PHLPP2: variants seen among roughly 807,000 people sequenced by gnomAD.
PHLPP2 encodes PH domain leucine-rich repeat-containing protein phosphatase 2.
PHLPP2 carries 66 observed loss-of-function variants against 124.9 expected under a neutral mutation model. That is an observed-to-expected ratio of 0.53 (90% confidence interval 0.43 to 0.65). PHLPP2 has a LOEUF of 0.65. Among genes scored for constraint, PHLPP2 ranks in the 30% least tolerant of loss-of-function variants. The pLI, the probability that PHLPP2 is intolerant of heterozygous loss-of-function variation, is 0.00. For synonymous variants in PHLPP2, 681 were observed against 624.7 expected (o/e 1.09, Z -1.34); for missense variants, 1,685 against 1,600.4 (o/e 1.05, Z -0.90).
At chr16:71,713,405 G>T (rs1053589486) in intron 2 of PHLPP2, among the ~76,000 whole-genome samples, 2 of 152,094 alleles carry the variant, frequency 1.3e-5, no homozygotes, top group African/African-American at 4.8e-5. Flanking sequence ...CTATGAAGAA[G>T]AATTTGACAG....
At chr16:71,709,271 C>T (rs1364739187) in intron 2 of PHLPP2, among the ~76,000 whole-genome samples, 1 of 151,830 alleles carries the variant, frequency 6.6e-6, no homozygotes, top group African/African-American at 2.4e-5. Flanking sequence ...CAAAATATGG[C>T]AAACAAAATT....
chr16:71,668,416 A>AG (rs2044859370), intron 11 of PHLPP2, among the ~76,000 whole-genome samples: 1 of 40,214 alleles, frequency 2.5e-5, no homozygotes, highest in South Asian at 6.1e-4. Flanking sequence ...ACTCTGTCTC[A>AG]AAAAAAAAAA....
intron 1 of PHLPP2, chr16:71,723,105 C>G (rs1174684615): frequency 6.6e-6 from 1 of 152,322 alleles, no homozygotes; most frequent in Non-Finnish European, 1.5e-5. Flanking sequence ...CAGGAATGCC[C>G]CTTTCGGCCC....
chr16:71,684,964 A>C (rs1234047410), intron 4 of PHLPP2, among the ~76,000 whole-genome samples: 1 of 152,188 alleles, frequency 6.6e-6, no homozygotes, highest in Non-Finnish European at 1.5e-5. Flanking sequence ...AGGCTTGAGA[A>C]AAGAGGCAAA....
At chr16:71,666,677 CCTT>C (rs1471683399) in intron 12 of PHLPP2, among the ~76,000 whole-genome samples, 1 of 152,180 alleles carries the variant, frequency 6.6e-6, no homozygotes, top group Non-Finnish European at 1.5e-5. Context: ...GCAAATGACA[CCTT>C]CTGGAAGGAC....
intron 1 of PHLPP2, among the ~76,000 whole-genome samples, chr16:71,716,157 GAAT>G (rs766087851): frequency 1.3e-5 from 2 of 152,088 alleles, no homozygotes; most frequent in South Asian, 4.2e-4. Context: ...TCATTCATTT[GAAT>G]AATATTCCCT....
chr16:71,656,742 A>C, intron 15 of PHLPP2, 61 bp from the exon 16 acceptor site: 1 of 1,010,114 alleles, frequency 9.9e-7, no homozygotes, highest in Non-Finnish European at 1.5e-6. Flanking sequence ...AAACTATCCC[A>C]ACAATAGTAT....
In PHLPP2 at chr16:71,647,872, T is replaced by G. The variant is rs909581080; in HGVS notation, c.*1018A>C. 3.9e-5 allele frequency: 6 copies of G among 152,560 alleles called. No individual in the cohort carries two copies. Among genetic ancestry groups the G allele is most frequent in the African/African-American group, 1.4e-4 (6 of 41,424 alleles). 9.5% of individuals were successfully genotyped at this position (152,560 alleles called of 1,614,324 possible). On this transcript the variant is annotated 3_prime_UTR_variant, in exon 19 of 19. Transcript: ENST00000568954. ...CTGACATCCAAAAGTTAAATCAACT[T>G]CACAGGGCCCTTCCTATACCCTCGA...
intron 2 of PHLPP2, among the ~76,000 whole-genome samples, chr16:71,710,904 C>T (rs565372507): frequency 1.3e-5 from 2 of 152,324 alleles, no homozygotes; most frequent in African/African-American, 2.4e-5. Flanking sequence ...TGAACCCATA[C>T]ACTCTCATTC....
chr16:71,657,544 G>A (rs12051449), intron 15 of PHLPP2, among the ~76,000 whole-genome samples: 51,272 of 150,862 alleles, frequency 0.34, 9,365 homozygotes, highest in East Asian at 0.73. Flanking sequence ...ACAGGCGCCC[G>A]CCACCTCGCC....
intron 8 of PHLPP2, chr16:71,677,632 A>C (rs1382555346): frequency 6.6e-6 from 1 of 151,730 alleles, no homozygotes; most frequent in Non-Finnish European, 1.5e-5. Context: ...GTGGTTTAAA[A>C]AAAAAAAAAA....
intron 13 of PHLPP2, among the ~76,000 whole-genome samples, chr16:71,662,158 G>A (rs923563204): frequency 5.9e-5 from 9 of 151,576 alleles, no homozygotes; most frequent in East Asian, 2.0e-4. Context: ...CGGGCCGGGC[G>A]CAGTGGCTCA....
chr16:71,652,701 T>C (rs377179265), intron 18 of PHLPP2, 89 bp downstream of exon 18: 5 of 889,292 alleles, frequency 5.6e-6, no homozygotes, highest in Middle Eastern at 2.2e-4. Flanking sequence ...CAGGGCATGA[T>C]AGGAAGAAAA....
intron 5 of PHLPP2, among the ~76,000 whole-genome samples, chr16:71,683,455 C>T (rs960279600): frequency 6.6e-6 from 1 of 152,158 alleles, no homozygotes; most frequent in Admixed American, 6.5e-5. Flanking sequence ...CATATGCAGA[C>T]CAAGAAGCAC....
Position 71,719,424 on chromosome 16 carries a change from C to T in PHLPP2, c.-6-4623G>A, listed in dbSNP as rs940343307. ...GTGGTGGCACGCATGCCTGTAATCC[C>T]AGCTACCCTGGAGGCTGAGGCATGA... is the stretch of plus-strand genomic sequence containing the variant. On this transcript the variant is annotated intron_variant, in intron 1 of 18. Transcript: ENST00000568954. 3.3e-5 allele frequency among the ~76,000 whole-genome samples: 5 copies of T among 152,174 alleles called. No individual in the cohort carries two copies. In the East Asian group the frequency reaches 9.6e-4, roughly 29 times the overall value.
Position 71,700,023 on chromosome 16 carries a change from T to A in PHLPP2, c.418+2575A>T, listed in dbSNP as rs148284763. ...CTGCGCATTCCCTCCCACAAGGGGT[T>A]GAGCGGGGTGGGCTGAGTAAATGGG... is the stretch of plus-strand genomic sequence containing the variant. On this transcript the variant is annotated intron_variant, in intron 3 of 18. Coordinates refer to ENST00000568954, the MANE Select transcript of PHLPP2 (RefSeq NM_015020.3). 2.3e-3 allele frequency among the ~76,000 whole-genome samples: 353 copies of A among 152,282 alleles called. 1 individual carries two copies. Among genetic ancestry groups the A allele is most frequent in the African/African-American group, 8.1e-3 (337 of 41,564 alleles).
intron 1 of PHLPP2, among the ~76,000 whole-genome samples, chr16:71,718,749 C>T (rs1426510376): frequency 2.6e-5 from 4 of 152,124 alleles, no homozygotes; most frequent in Non-Finnish European, 5.9e-5. Flanking sequence ...ACAAAATATA[C>T]ACGCTGTTGG....
At chr16:71,668,506 A>T (rs996834490) in intron 11 of PHLPP2, among the ~76,000 whole-genome samples, 3 of 151,586 alleles carry the variant, frequency 2.0e-5, no homozygotes, top group African/African-American at 7.3e-5. Flanking sequence ...TCACGCCTGT[A>T]ATCTCAACAC....
At chr16:71,705,368 A>T (rs557449144) in intron 2 of PHLPP2, among the ~76,000 whole-genome samples, 13 of 152,282 alleles carry the variant, frequency 8.5e-5, no homozygotes, top group African/African-American at 2.9e-4. Context: ...TCGAGTGCTC[A>T]ATTTTTCTAT....
Sources: allele counts gnomAD v4.1 joint callset (sites outside exome capture counted in the v4.1 genomes callset), GRCh38; gene constraint gnomAD v4.1.1; transcripts MANE v1.5; gene names NCBI Gene and HGNC (gene_info 2026-07-23, HGNC 2026-07-21).